The following SLC4A5 variants were observed in gnomAD, a reference collection of about 807,000 sequenced individuals.
SLC4A5 encodes the protein electrogenic sodium bicarbonate cotransporter 4.
A neutral mutation model predicts 120.4 loss-of-function variants in SLC4A5; 96 were observed. That is an observed-to-expected ratio of 0.80 (90% CI 0.68 to 0.94). SLC4A5 has a LOEUF of 0.94. SLC4A5 is among the 40% of genes least tolerant of loss of function. The probability of loss-of-function intolerance (pLI) is 0.00; values close to 1 mark genes in which losing one functional copy is unlikely to be tolerated. For missense variants in SLC4A5, 1,259 were observed against 1,459.5 expected (o/e 0.86, Z 2.24); for synonymous variants, 550 against 571.1 (o/e 0.96, Z 0.53).
At chr2:74,312,860 G>A (rs1224936169) in intron 6 of SLC4A5, among the ~76,000 whole-genome samples, 1 of 152,142 alleles carries the variant, frequency 6.6e-6, no homozygotes, top group African/African-American at 2.4e-5. Flanking sequence ...CTGAACCTGG[G>A]AGGCAGAGGT....
intron 6 of SLC4A5, chr2:74,307,333 T>A: frequency 1.7e-6 from 1 of 578,390 alleles, no homozygotes. Context: ...CCAGAGCTGG[T>A]AATCTGGGCT....
chr2:74,318,608 C>T (rs771838597), intron 5 of SLC4A5, among the ~76,000 whole-genome samples: 2 of 151,940 alleles, frequency 1.3e-5, no homozygotes, highest in Non-Finnish European at 2.9e-5. Flanking sequence ...ATCACTTGAA[C>T]CCAGAAGGCA....
rs137883877 is a variant in SLC4A5 at position 74,219,989 on chromosome 2, C to G, written c.*34-1197G>C. On this transcript the variant is annotated intron_variant, in intron 30 of 30. Transcript: ENST00000394019. ...CTTTGCCTTATAATTCAGAAGATCC[C>G]CTGCCCCGTTTCCCCAAAAATCTCT... 3.9e-3 allele frequency among the ~76,000 whole-genome samples: 597 copies of G among 152,216 alleles called. 4 individuals carry two copies. Among genetic ancestry groups the G allele is most frequent in the African/African-American group, 0.014 (563 of 41,528 alleles).
At chr2:74,310,433 G>GT (rs1351488288) in intron 6 of SLC4A5, among the ~76,000 whole-genome samples, 1 of 152,102 alleles carries the variant, frequency 6.6e-6, no homozygotes, top group East Asian at 1.9e-4. Flanking sequence ...TTAGCTATAG[G>GT]TTTTTTGTAG....
At chr2:74,265,201 G>A (rs1671265058) in exon 9 of SLC4A5, 1 of 1,614,232 alleles carries the variant, frequency 6.2e-7, no homozygotes, top group Non-Finnish European at 8.5e-7. Context: ...GGGATAGTGT[G>A]GACACGTGGG....
chr2:74,332,993 T>C (rs1673399683), intron 4 of SLC4A5, among the ~76,000 whole-genome samples: 1 of 152,172 alleles, frequency 6.6e-6, no homozygotes, highest in African/African-American at 2.4e-5. Flanking sequence ...TACTGTCAAC[T>C]CTTCCTCACC....
chr2:74,294,847 T>G (rs563736356), intron 7 of SLC4A5, among the ~76,000 whole-genome samples: 1 of 152,218 alleles, frequency 6.6e-6, no homozygotes, highest in East Asian at 1.9e-4. Context: ...AATTTTTATA[T>G]TTTTAGTAGA....
At chr2:74,233,346 T>G in intron 23 of SLC4A5, 56 bp downstream of exon 23, 1 of 1,600,428 alleles carries the variant, frequency 6.2e-7, no homozygotes, top group Non-Finnish European at 8.6e-7. Flanking sequence ...TCCTTCGCTC[T>G]TTCTGACTTT....
chr2:74,252,551 A>G (rs1670827122), intron 15 of SLC4A5, among the ~76,000 whole-genome samples, 163 bp from the exon 16 acceptor site: 1 of 152,238 alleles, frequency 6.6e-6, no homozygotes, highest in South Asian at 2.1e-4. Context: ...ACATTTAGCC[A>G]TATTTGTTTC....
At chr2:74,271,128 T>A (rs1671462745) in intron 8 of SLC4A5, among the ~76,000 whole-genome samples, 1 of 152,188 alleles carries the variant, frequency 6.6e-6, no homozygotes, top group African/African-American at 2.4e-5. Context: ...ACATTTCTAA[T>A]AAGCTCCTAG....
rs5832130 is a variant in SLC4A5, at chr2:74,240,769, CA to C, written c.2118+1224del. ...TGGGTAACAGAGCAAGACCCCATCT[CA>C]AAAAAAAAAAAACCCTAATCTTTGA... On this transcript the variant is annotated intron_variant, in intron 20 of 30. Transcript: ENST00000394019. Among the ~76,000 whole-genome samples, 333 of 142,288 alleles carry C rather than the reference CA, an allele frequency of 2.3e-3. 3 individuals carry two copies. Among genetic ancestry groups the C allele is most frequent in the African/African-American group, 6.8e-3 (265 of 38,924 alleles). 93.3% of individuals were successfully genotyped at this position (142,288 alleles called of 152,430 possible).
exon 12 of SLC4A5, chr2:74,259,610 G>C: frequency 6.2e-7 from 1 of 1,614,204 alleles, no homozygotes; most frequent in Non-Finnish European, 8.5e-7. Context: ...TGGGGTGAGA[G>C]AAATGTCATT....
rs754679586 is a variant in SLC4A5 at position 74,235,083 on chromosome 2, C to T, written c.2433+18G>A. ...AGGCAGGCAGACTGGATGCCCAGAG[C>T]GAGGGAAAGGGGCAAACCTTGATGA... On this transcript the variant is annotated intron_variant, in intron 22 of 30. Transcript: ENST00000394019. 59 of 1,595,830 alleles carry T rather than the reference C, an allele frequency of 3.7e-5. No homozygotes were observed. Among genetic ancestry groups the T allele is most frequent in the Admixed American group, 2.3e-4 (14 of 59,780 alleles).
At chr2:74,314,244 G>A (rs1304698172) in intron 6 of SLC4A5, among the ~76,000 whole-genome samples, 1 of 152,164 alleles carries the variant, frequency 6.6e-6, no homozygotes, top group Non-Finnish European at 1.5e-5. Flanking sequence ...CCTCCCCCAA[G>A]TCTACATTCT....
intron 16 of SLC4A5, among the ~76,000 whole-genome samples, chr2:74,251,714 G>A (rs1325664607): frequency 6.6e-6 from 1 of 152,172 alleles, no homozygotes; most frequent in Non-Finnish European, 1.5e-5. Flanking sequence ...AGGCAGAGCC[G>A]GGGGTGATGC....
intron 25 of SLC4A5, among the ~76,000 whole-genome samples, chr2:74,229,104 C>CTT (rs55689286): frequency 1.0e-5 from 1 of 98,590 alleles, no homozygotes; most frequent in African/African-American, 4.5e-5. Flanking sequence ...TAGATTTGAG[C>CTT]TTTTTTTTTT....
chr2:74,262,579 A>G (rs1044373108), intron 10 of SLC4A5, among the ~76,000 whole-genome samples: 1 of 151,800 alleles, frequency 6.6e-6, no homozygotes. Flanking sequence ...GGCACCTGTA[A>G]TCCCAGCTAC....
chr2:74,252,534 A>G (rs1670826809), intron 15 of SLC4A5, 146 bp from the exon 16 acceptor site: 2 of 901,344 alleles, frequency 2.2e-6, no homozygotes, highest in Non-Finnish European at 1.7e-6. Context: ...AGATTTTACA[A>G]ATGTTCACAT....
intron 6 of SLC4A5, among the ~76,000 whole-genome samples, chr2:74,313,961 G>A (rs535024228): frequency 7.9e-5 from 12 of 152,256 alleles, no homozygotes; most frequent in African/African-American, 2.9e-4. Context: ...CTGGGACTCG[G>A]TGAACTCATC....
Sources: gnomAD v4.1 joint callset for allele counts (sites outside exome capture counted in the v4.1 genomes callset) on GRCh38, gnomAD v4.1.1 for gene constraint, MANE v1.5 for transcripts, NCBI Gene and HGNC (gene_info 2026-07-23, HGNC 2026-07-21) for gene names.